The following PTPRT variants were observed in gnomAD, a reference collection of about 807,000 sequenced individuals.
The protein encoded by PTPRT is protein tyrosine phosphatase receptor type T.
In PTPRT, 56 loss-of-function variants were observed where a neutral mutation model predicts 176.8. The observed-to-expected ratio is 0.32, with a 90% CI of 0.26 to 0.40. The LOEUF is 0.40. PTPRT is among the 10% of genes least tolerant of loss of function. PTPRT has a pLI of 1.00. For synonymous variants in PTPRT, 783 were observed against 739.0 expected (o/e 1.06, Z -0.96); for missense variants, 1,540 against 1,908.2 (o/e 0.81, Z 3.60).
At chr20:42,123,018 T>A (rs1987663282) in intron 19 of PTPRT, among the ~76,000 whole-genome samples, 1 of 152,158 alleles carries the variant, frequency 6.6e-6, no homozygotes, top group African/African-American at 2.4e-5. Flanking sequence ...TGCAATTCCA[T>A]GTGCTGCAGT....
chr20:42,525,484 A>G (rs575283713), intron 7 of PTPRT, among the ~76,000 whole-genome samples: 12 of 152,260 alleles, frequency 7.9e-5, no homozygotes, highest in African/African-American at 2.9e-4. Flanking sequence ...TTACAACTCT[A>G]TTCTCAGCTC....
chr20:42,356,456 A>T (rs2058359304), intron 9 of PTPRT, among the ~76,000 whole-genome samples: 1 of 152,148 alleles, frequency 6.6e-6, no homozygotes, highest in Non-Finnish European at 1.5e-5. Flanking sequence ...GCACTCTGGG[A>T]GGCTGAGGCA....
At chr20:42,185,441 GA>G (rs1704201099) in intron 16 of PTPRT, among the ~76,000 whole-genome samples, 1 of 152,160 alleles carries the variant, frequency 6.6e-6, no homozygotes, top group Non-Finnish European at 1.5e-5. Context: ...CCAAATGGTT[GA>G]CTTCTTGAGG....
chr20:43,019,761 G>A (rs976388916), intron 1 of PTPRT, among the ~76,000 whole-genome samples: 1 of 151,942 alleles, frequency 6.6e-6, no homozygotes, highest in Non-Finnish European at 1.5e-5. Context: ...TCAGCTGAGG[G>A]CCCAGATGGA....
chr20:42,292,169 T>C (rs1317692756), intron 12 of PTPRT, among the ~76,000 whole-genome samples: 5 of 152,100 alleles, frequency 3.3e-5, no homozygotes, highest in Non-Finnish European at 5.9e-5. Context: ...ATTGACAGCG[T>C]TGGGTCCTTA....
intron 6 of PTPRT, among the ~76,000 whole-genome samples, chr20:42,747,438 CA>C (rs1215286359): frequency 6.6e-6 from 1 of 151,870 alleles, no homozygotes; most frequent in Non-Finnish European, 1.5e-5. Flanking sequence ...GGGTAATCCA[CA>C]AATAGATGTA....
chr20:42,314,386 G>C (rs1287754595), intron 12 of PTPRT, among the ~76,000 whole-genome samples: 1 of 151,902 alleles, frequency 6.6e-6, no homozygotes, highest in Non-Finnish European at 1.5e-5. Context: ...AAAATTAGCT[G>C]GGTGTGGTGG....
intron 15 of PTPRT, among the ~76,000 whole-genome samples, chr20:42,235,844 C>T (rs116695550): frequency 0.012 from 1,852 of 152,294 alleles, 34 homozygotes; most frequent in African/African-American, 0.04. Flanking sequence ...TACCCATTCT[C>T]CAAGTAAAAA....
intron 6 of PTPRT, among the ~76,000 whole-genome samples, chr20:42,697,781 T>C (rs1036325894): frequency 6.6e-6 from 1 of 152,250 alleles, no homozygotes; most frequent in African/African-American, 2.4e-5. Flanking sequence ...TTCAAAGATA[T>C]ACCTTGGCCT....
intron 1 of PTPRT, among the ~76,000 whole-genome samples, chr20:43,083,320 GTATATATATATATATATATATATATATA>G (rs779087395): frequency 0.011 from 411 of 37,396 alleles, 13 homozygotes; most frequent in Middle Eastern, 0.027. Flanking sequence ...CACTTCAAAT[GTATATATATATATATATATATATATATA>G]TATATATATA....
At chr20:42,606,080 C>T (rs953476687) in intron 7 of PTPRT, among the ~76,000 whole-genome samples, 4 of 152,182 alleles carry the variant, frequency 2.6e-5, no homozygotes, top group Non-Finnish European at 4.4e-5. Context: ...TTCTTGTGCA[C>T]GATGTTGAGA....
chr20:42,750,121 G>T (rs2076749506), intron 6 of PTPRT, among the ~76,000 whole-genome samples: 1 of 152,180 alleles, frequency 6.6e-6, no homozygotes, highest in African/African-American at 2.4e-5. Context: ...TCCCATTTCA[G>T]AAGAGGGAGA....
In PTPRT at chr20:42,806,435, G is replaced by C. The variant is rs530432756; in HGVS notation, c.215-14969C>G. Among the ~76,000 whole-genome samples, 4 of 143,978 alleles carry C rather than the reference G, an allele frequency of 2.8e-5. No individual in the cohort carries two copies. The East Asian group carries it at 8.6e-4, about 31-fold the overall frequency. The allele number at this position is 143,978 out of a possible 152,430, so 94.5% of individuals were successfully genotyped here. On this transcript the variant is annotated intron_variant, in intron 2 of 30. Coordinates refer to ENST00000373187, the MANE Select transcript of PTPRT (RefSeq NM_007050.6). ...GGAGGCGGAGGTTGCAGTGAGCCAA[G>C]ATTGAGCCACTGTACTCCAGCCTGG...
intron 2 of PTPRT, among the ~76,000 whole-genome samples, chr20:42,827,138 C>T (rs961189319): frequency 6.7e-6 from 1 of 149,704 alleles, no homozygotes; most frequent in South Asian, 2.1e-4. Flanking sequence ...GAGTATCAGA[C>T]AGATCATTGA....
At chr20:43,015,531 G>A (rs1985325334) in intron 1 of PTPRT, among the ~76,000 whole-genome samples, 1 of 152,152 alleles carries the variant, frequency 6.6e-6, no homozygotes, top group African/African-American at 2.4e-5. Context: ...ATCCCAAAGG[G>A]GACACTTGGG....
intron 12 of PTPRT, among the ~76,000 whole-genome samples, chr20:42,297,442 A>G (rs1017829334): frequency 6.6e-6 from 1 of 152,192 alleles, no homozygotes; most frequent in African/African-American, 2.4e-5. Context: ...ATAATTCAAC[A>G]TCTTAAAGAT....
intron 7 of PTPRT, among the ~76,000 whole-genome samples, chr20:42,530,764 G>A (rs777893575): frequency 2.0e-5 from 3 of 152,184 alleles, no homozygotes; most frequent in African/African-American, 4.8e-5. Flanking sequence ...GGAGATTCAG[G>A]CATCCAGCTT....
At chr20:43,186,632 TAGAA>T (rs2015400412) in intron 1 of PTPRT, among the ~76,000 whole-genome samples, 1 of 152,254 alleles carries the variant, frequency 6.6e-6, no homozygotes, top group South Asian at 2.1e-4. Context: ...TTAAGTTGAG[TAGAA>T]AGAGAGTCGG....
chr20:42,060,622 T>C, the PTPRT span, among the ~76,000 whole-genome samples: 1 of 152,226 alleles, frequency 6.6e-6, no homozygotes, highest in Non-Finnish European at 1.5e-5. Flanking sequence ...TCTCTCTGCC[T>C]GCTGCCATCC....
Sources: allele counts gnomAD v4.1 joint callset (sites outside exome capture counted in the v4.1 genomes callset), GRCh38; gene constraint gnomAD v4.1.1; transcripts MANE v1.5; gene names NCBI Gene and HGNC (gene_info 2026-07-23, HGNC 2026-07-21).